The following ATP8B4 variants were observed in gnomAD, a reference collection of about 807,000 sequenced individuals.
ATP8B4 encodes the protein probable phospholipid-transporting ATPase IM.
A neutral mutation model predicts 145.6 loss-of-function variants in ATP8B4; 133 were observed. That is an observed-to-expected ratio of 0.91 (90% confidence interval 0.79 to 1.05). The LOEUF (loss-of-function observed/expected upper bound fraction) is 1.05. Among genes scored for constraint, ATP8B4 ranks in the 50% least tolerant of loss-of-function variants. The probability of loss-of-function intolerance (pLI) is 0.00; values close to 1 mark genes in which losing one functional copy is unlikely to be tolerated. For synonymous variants in ATP8B4, 507 were observed against 492.9 expected, an observed-to-expected ratio of 1.03 and a Z score of -0.38; for missense variants, 1,458 against 1,425.2, an observed-to-expected ratio of 1.02 and a Z score of -0.37.
At position 49,942,002 on chromosome 15, in the gene ATP8B4, G is replaced by T. The variant is rs970084348; in HGVS notation, c.1288-7820C>A. ...GAAGCTAAGCTATGGGTATGCAAAGGTATATAGAGTGGTGTAACAGACATT... is the reference window on the plus strand; with the variant it reads ...GAAGCTAAGCTATGGGTATGCAAAGTTATATAGAGTGGTGTAACAGACATT... On this transcript the variant is annotated intron_variant, in intron 14 of 27. Coordinates refer to ENST00000284509, the MANE Select transcript of ATP8B4 (RefSeq NM_024837.4). Among the ~76,000 whole-genome samples the T allele has an allele frequency of 5.3e-5, 8 of 152,256 alleles. No individual in the cohort carries two copies. The South Asian group carries it at 8.3e-4, about 16-fold the overall frequency.
At chr15:50,075,913 C>CA (rs1375696838) in intron 2 of ATP8B4, among the ~76,000 whole-genome samples, 5 of 152,054 alleles carry the variant, frequency 3.3e-5, no homozygotes, top group South Asian at 2.1e-4. Context: ...GACAGGAAAG[C>CA]AAAAAAATGT....
At chr15:50,141,832 T>C (rs575670807) in intron 1 of ATP8B4, among the ~76,000 whole-genome samples, 30 of 152,294 alleles carry the variant, frequency 2.0e-4, no homozygotes, top group Non-Finnish European at 4.3e-4. Flanking sequence ...TAGCTGGGTT[T>C]CCAGTGGCTG....
intron 20 of ATP8B4, among the ~76,000 whole-genome samples, chr15:49,903,878 G>A (rs1327569317): frequency 6.8e-6 from 1 of 147,756 alleles, no homozygotes; most frequent in African/African-American, 2.5e-5. Context: ...TGGGCAACAA[G>A]AGCAAAACTC....
At chr15:49,892,218 T>G (rs1162215308) in intron 23 of ATP8B4, among the ~76,000 whole-genome samples, 1 of 152,112 alleles carries the variant, frequency 6.6e-6, no homozygotes, top group Admixed American at 6.5e-5. Context: ...GTTTGAAGAA[T>G]GTAAATCAAG....
intron 13 of ATP8B4, among the ~76,000 whole-genome samples, chr15:49,966,436 G>C (rs925262033): frequency 4.6e-5 from 7 of 152,300 alleles, no homozygotes; most frequent in Non-Finnish European, 7.4e-5. Context: ...TTGGTGGTGG[G>C]AGGGGCATCC....
chr15:49,987,773 CAAAT>C (rs2046742633), intron 9 of ATP8B4, among the ~76,000 whole-genome samples: 1 of 151,724 alleles, frequency 6.6e-6, no homozygotes, highest in African/African-American at 2.4e-5. Context: ...ATAGAAAAAA[CAAAT>C]AATAACAGAA....
chr15:50,003,802 T>C (rs527894569), intron 7 of ATP8B4, among the ~76,000 whole-genome samples: 7 of 152,146 alleles, frequency 4.6e-5, no homozygotes, highest in Non-Finnish European at 1.0e-4. Context: ...TCGAATCCAG[T>C]GTTACTGTTG....
intron 1 of ATP8B4, among the ~76,000 whole-genome samples, chr15:50,157,293 G>C (rs1417056407): frequency 6.6e-6 from 1 of 152,080 alleles, no homozygotes; most frequent in Admixed American, 6.5e-5. Context: ...AAAGTCAAAA[G>C]CTTCTATCAA....
At chr15:50,104,878 C>CACAG (rs2056586896) in intron 2 of ATP8B4, among the ~76,000 whole-genome samples, 2 of 150,994 alleles carry the variant, frequency 1.3e-5, no homozygotes, top group Admixed American at 1.3e-4. Context: ...CACACACACA[C>CACAG]ACACACACAC....
intron 23 of ATP8B4, chr15:49,896,770 T>C (rs1025451125): frequency 8.5e-5 from 13 of 152,376 alleles, no homozygotes; most frequent in African/African-American, 3.1e-4. Context: ...AAAAATAGAA[T>C]CCTAATTTAT....
chr15:50,102,262 T>C (rs1478303421), intron 2 of ATP8B4, among the ~76,000 whole-genome samples: 2 of 150,890 alleles, frequency 1.3e-5, no homozygotes, highest in African/African-American at 2.4e-5. Flanking sequence ...CTAAATGAAT[T>C]TGAAACAAAA....
intron 14 of ATP8B4, among the ~76,000 whole-genome samples, chr15:49,948,789 G>A (rs1332485460): frequency 6.6e-6 from 1 of 151,976 alleles, no homozygotes; most frequent in Non-Finnish European, 1.5e-5. Flanking sequence ...CTGTGCAGAA[G>A]CTCTTTAGTT....
rs555801763 is a variant in ATP8B4 at position 50,172,358 on chromosome 15, G to T, written c.-43+9903C>A. ...GGGGTTTCCCCCTCTTGGCCGGGCT[G>T]GTCTCCAGCTCCTGACCGCGAGTGA... On this transcript the variant is annotated intron_variant, in intron 1 of 3. Coordinates refer to the ATP8B4 transcript ENST00000558829. Among the ~76,000 whole-genome samples the T allele has an allele frequency of 1.0e-4, 16 of 152,384 alleles. No homozygotes were observed. In the South Asian group the frequency reaches 2.7e-3, roughly 26 times the overall value.
chr15:50,129,060 T>C (rs2057326672), intron 1 of ATP8B4, among the ~76,000 whole-genome samples: 1 of 152,108 alleles, frequency 6.6e-6, no homozygotes, highest in Non-Finnish European at 1.5e-5. Flanking sequence ...AGAGCGAGAC[T>C]CCGTCTCAAA....
At chr15:50,095,753 T>TA (rs35556719) in intron 2 of ATP8B4, among the ~76,000 whole-genome samples, 42,101 of 145,800 alleles carry the variant, frequency 0.29, 6,611 homozygotes, top group East Asian at 0.65. Flanking sequence ...ACCCTGTTTC[T>TA]AAAAAAAAAA....
chr15:50,158,159 C>T (rs1193377091), intron 1 of ATP8B4, among the ~76,000 whole-genome samples: 1 of 152,076 alleles, frequency 6.6e-6, no homozygotes, highest in Non-Finnish European at 1.5e-5. Flanking sequence ...GAGATTGCAG[C>T]CTCTGCCCAG....
rs746228438 is a variant in ATP8B4, at chr15:49,931,110, C to T, written c.1642+9G>A. On this transcript the variant is annotated intron_variant, in intron 16 of 27. Coordinates refer to ENST00000284509, the MANE Select transcript of ATP8B4 (RefSeq NM_024837.4). ...AAAGATCAAAAATAGTCTTAGCTAC[C>T]AACCATACCTATGACAGACATCCTT... The T allele has an allele frequency of 1.3e-5, 21 of 1,600,558 alleles. No homozygotes were observed. Among genetic ancestry groups the T allele is most frequent in the Non-Finnish European group, 1.7e-5 (20 of 1,171,994 alleles).
intron 3 of ATP8B4, among the ~76,000 whole-genome samples, chr15:50,064,798 T>C (rs886161641): frequency 3.3e-5 from 5 of 152,152 alleles, no homozygotes; most frequent in Admixed American, 1.3e-4. Flanking sequence ...CTTGCAATCA[T>C]GGCAGAAGGC....
At chr15:50,059,069 T>G (rs2052816637) in intron 3 of ATP8B4, among the ~76,000 whole-genome samples, 1 of 152,128 alleles carries the variant, frequency 6.6e-6, no homozygotes, top group East Asian at 1.9e-4. Flanking sequence ...CACAACGGGT[T>G]TGAGGAATTT....
Sources: gnomAD v4.1 joint callset for allele counts (sites outside exome capture counted in the v4.1 genomes callset) on GRCh38, gnomAD v4.1.1 for gene constraint, MANE v1.5 for transcripts, NCBI Gene and HGNC (gene_info 2026-07-23, HGNC 2026-07-21) for gene names.